The following COQ8A variants were observed in gnomAD, a reference collection of about 807,000 sequenced individuals.
The protein encoded by COQ8A is coenzyme Q8A.
In COQ8A, 51 loss-of-function variants were observed where a neutral mutation model predicts 65.0. The observed-to-expected ratio is 0.78, with a 90% CI of 0.63 to 0.99. The LOEUF is 0.99. Ranked by LOEUF, COQ8A falls within the 50% of genes least tolerant of loss-of-function variation. COQ8A has a pLI of 0.00. For synonymous variants in COQ8A, 371 were observed against 353.2 expected (o/e 1.05, Z -0.57); for missense variants, 940 against 875.0 (o/e 1.07, Z -0.94).
At chr1:226,978,025 C>G (rs1407601235) in intron 5 of COQ8A, among the ~76,000 whole-genome samples, 1 of 147,824 alleles carries the variant, frequency 6.8e-6, no homozygotes, top group South Asian at 2.2e-4. Context: ...CACCGAACAC[C>G]CACAGACCTT....
chr1:226,945,135 G>C (rs1312879842), intron 1 of COQ8A, among the ~76,000 whole-genome samples: 5 of 152,184 alleles, frequency 3.3e-5, no homozygotes, highest in Admixed American at 1.3e-4. Flanking sequence ...AGGGATGCAT[G>C]GCCCTTTCCT....
In COQ8A at chr1:226,985,259, C is replaced by G; in HGVS notation, c.1578C>G (p.Ile526Met). The change falls in exon 14 of 15, where the codon ATC (isoleucine) becomes ATG (methionine). Residue 526 changes from isoleucine (I) to methionine (M), a missense_variant. Physicochemically the swap from Ile to Met is conservative, Grantham distance 10 (BLOSUM62 1). Transcript: ENST00000366777. ...CCTCCTGTGCCTCTCCCCAGATCATCAGGGCTGCTGCCGACAGGGACAGGG... is the reference window on the plus strand; with the variant it reads ...CCTCCTGTGCCTCTCCCCAGATCATGAGGGCTGCTGCCGACAGGGACAGGG... ...RSFTDLYIQI[I>M]RAAADRDRET... 6.2e-7 allele frequency: 1 copy of G among 1,613,554 alleles called. No individual in the cohort carries two copies. The highest frequency in any genetic ancestry group is 1.7e-4 in the Middle Eastern group (1 of 6,054).
In COQ8A at chr1:226,985,326, G is replaced by A. The variant is rs119468009; in HGVS notation, c.1645G>A (p.Gly549Ser). Residue 549 changes from glycine to serine, a missense_variant, in exon 14 of 15, where the codon GGC becomes AGC. By Grantham distance (56) the Gly-to-Ser change is moderately conservative. Coordinates refer to ENST00000366777, the MANE Select transcript of COQ8A (RefSeq NM_020247.5). ...ATCCATAGAGATGAAGTTCCTCACC[G>A]GCTACGAGGTCAAGGTGAGCAGGGT... ...AKSIEMKFLT[G>S]YEVKVMEDAH... 134 of 1,613,532 alleles carry A rather than the reference G, an allele frequency of 8.3e-5. No homozygotes were observed. The highest frequency in any genetic ancestry group is 1.6e-4 in the Middle Eastern group (1 of 6,084).
intron 2 of COQ8A, among the ~76,000 whole-genome samples, chr1:226,963,810 G>C (rs1275329580): frequency 1.3e-5 from 2 of 152,262 alleles, no homozygotes; most frequent in Admixed American, 6.5e-5. Flanking sequence ...TCGCCATGTT[G>C]GCCAGGCTGG....
At chr1:226,953,983 A>C (rs1448708515) in intron 1 of COQ8A, among the ~76,000 whole-genome samples, 1 of 152,204 alleles carries the variant, frequency 6.6e-6, no homozygotes, top group East Asian at 1.9e-4. Context: ...AATTTCAAGG[A>C]CGTAAAGGAA....
chr1:226,983,248 C>A, intron 8 of COQ8A: 1 of 794,102 alleles, frequency 1.3e-6, no homozygotes, highest in Non-Finnish European at 1.9e-6. Context: ...CAGAGGGGCC[C>A]CCAGCAAGCT....
At chr1:226,980,145 G>A (rs1659600886) in intron 5 of COQ8A, among the ~76,000 whole-genome samples, 1 of 152,218 alleles carries the variant, frequency 6.6e-6, no homozygotes, top group South Asian at 2.1e-4. Flanking sequence ...GGCACCCTCT[G>A]GACTGGAGGA....
In COQ8A at chr1:226,946,484, T is replaced by A. The variant is rs1657053320; in HGVS notation, c.-10+6085T>A. Among the ~76,000 whole-genome samples the A allele has an allele frequency of 6.6e-6, 1 of 152,080 alleles. No homozygotes were observed. Among genetic ancestry groups the A allele is most frequent in the African/African-American group, 2.4e-5 (1 of 41,406 alleles). ...GTATCGCTGCAGAGGTGTCTGGGGCTCCACAGTGAAGGGCCTTGCTGGCCA... is the reference window on the plus strand; with the variant it reads ...GTATCGCTGCAGAGGTGTCTGGGGCACCACAGTGAAGGGCCTTGCTGGCCA... On this transcript the variant is annotated intron_variant, in intron 1 of 14. Coordinates refer to ENST00000366777, the MANE Select transcript of COQ8A (RefSeq NM_020247.5). This position sits in a 1 kb window ranked among gnomAD's most constrained non-coding sequence, Gnocchi z 5.3.
At chr1:226,976,240 G>A (rs1017308320) in intron 4 of COQ8A, among the ~76,000 whole-genome samples, 3 of 137,752 alleles carry the variant, frequency 2.2e-5, no homozygotes, top group African/African-American at 8.2e-5. Context: ...GTGGGACTGC[G>A]GGGCTGTGGG....
chr1:226,978,523 CTGAA>C (rs1659441773), intron 5 of COQ8A, among the ~76,000 whole-genome samples: 1 of 130,638 alleles, frequency 7.7e-6, no homozygotes. Flanking sequence ...CGAACACCCA[CTGAA>C]CACTGCACCT....
chr1:226,984,483 C>T, intron 11 of COQ8A, 65 bp from the exon 12 acceptor site: 3 of 1,448,792 alleles, frequency 2.1e-6, no homozygotes, highest in Non-Finnish European at 2.9e-6. Flanking sequence ...CTTCTCTGGC[C>T]CCAGTCTCCC....
intron 4 of COQ8A, 79 bp downstream of exon 4, chr1:226,965,816 C>A: frequency 1.3e-6 from 2 of 1,489,964 alleles, no homozygotes; most frequent in Admixed American, 1.7e-5. Flanking sequence ...GAGGTGGGGA[C>A]CCAGCAATAT....
chr1:226,980,612 C>T (rs1236369063), intron 5 of COQ8A, among the ~76,000 whole-genome samples: 1 of 152,188 alleles, frequency 6.6e-6, no homozygotes, highest in African/African-American at 2.4e-5. Flanking sequence ...GCCGAGGGAC[C>T]CTTCTGGGCC....
chr1:226,962,595 T>G (rs1338501734), intron 2 of COQ8A, among the ~76,000 whole-genome samples: 2 of 152,228 alleles, frequency 1.3e-5, no homozygotes, highest in Non-Finnish European at 2.9e-5. Flanking sequence ...ACGTCTGTTC[T>G]GTGGATGGCT....
In COQ8A at chr1:226,965,333, GGGGGCCTCAC is replaced by G. The variant is rs757691464; in HGVS notation, c.512_521del (p.Gly171GlufsTer35). 6 of 1,613,504 alleles carry G rather than the reference GGGGGCCTCAC, an allele frequency of 3.7e-6. No homozygotes were observed. The Admixed American group carries it at 5.0e-5, about 13-fold the overall frequency. On this transcript the variant is annotated frameshift_variant, in exon 3 of 15. Coordinates refer to ENST00000366777, the MANE Select transcript of COQ8A (RefSeq NM_020247.5). LOFTEE classifies it high-confidence loss of function. ...CTTCCACCAGGACCAATCCCCTGTT[GGGGGCCTCAC>G]AGCCGAGGACATTGAGAAGGCCCGG...
chr1:226,959,062 T>C lies in COQ8A; in HGVS notation c.-9-2315T>C, dbSNP rs554354199. ...TCTTGGTACACCCCTGGAAGGGATT[T>C]GCAGCGAAATTGTGGGATCGTTGAA... On this transcript the variant is annotated intron_variant, in intron 1 of 14. Transcript: ENST00000366777. 7.2e-5 allele frequency among the ~76,000 whole-genome samples: 11 copies of C among 152,310 alleles called. No individual in the cohort carries two copies. The East Asian group carries it at 2.1e-3, about 29-fold the overall frequency.
Position 226,983,845 on chromosome 1 carries a change from G to A in COQ8A, c.1247G>A (p.Arg416His), listed in dbSNP as rs767899984. 1.4e-5 allele frequency: 23 copies of A among 1,609,802 alleles called. No homozygotes were observed. The highest frequency in any genetic ancestry group is 8.3e-5 in the Admixed American group (5 of 59,928). The change falls in exon 10 of 15, where the codon CGC becomes CAC. Residue 416 changes from arginine to histidine, a missense_variant. Transcript: ENST00000366777. The part of the protein sequence containing the change: ...CDYQREAACA[R>H]KFRDLLKGHP... ...TACCAGCGAGAGGCCGCCTGTGCCC[G>A]CAAGTTCAGGTGTGGCCCCCGGCCG...
In COQ8A at chr1:226,983,279, CAG is replaced by C. The variant is rs1572080635; in HGVS notation, c.1080+246_1080+247del. The C allele has an allele frequency of 1.3e-5, 9 of 681,694 alleles. No homozygotes were observed. In the East Asian group the frequency reaches 1.6e-4, roughly 12 times the overall value. 42.2% of individuals were successfully genotyped at this position (681,694 alleles called of 1,614,324 possible). On this transcript the variant is annotated intron_variant, in intron 8 of 14. Transcript: ENST00000366777. ...AAGCTTGATTTGGGGTGGGCAAGGACAGGGGACAAGTGATTGCTTTTTGGGGC... is the reference window on the plus strand; with the variant it reads ...AAGCTTGATTTGGGGTGGGCAAGGACGGGACAAGTGATTGCTTTTTGGGGC...
chr1:226,976,187 ACTGCGGGGCTGTGGGACTGCGATG>A lies in COQ8A; in HGVS notation c.656-1261_656-1238del, dbSNP rs1558198724. On this transcript the variant is annotated intron_variant, in intron 4 of 14. Transcript: ENST00000366777. The stretch of plus-strand genomic sequence containing the variant: ...TGTTGCCTGGCTGCGGGGCTGCGGG[ACTGCGGGGCTGTGGGACTGCGATG>A]TTGCCTGGCTGCGGGGCTGTGGGAC... Among the ~76,000 whole-genome samples the A allele has an allele frequency of 2.9e-3, 35 of 11,892 alleles. 1 individual carries two copies. The highest frequency in any genetic ancestry group is 1.2e-3 in the Non-Finnish European group (5 of 4,284). 7.8% of individuals were successfully genotyped at this position (11,892 alleles called of 152,430 possible).
Sources: gnomAD v4.1 joint callset for allele counts (sites outside exome capture counted in the v4.1 genomes callset) on GRCh38, gnomAD v4.1.1 for gene constraint, Gnocchi (gnomAD v3.1) non-coding constraint, MANE v1.5 for transcripts, NCBI Gene and HGNC (gene_info 2026-07-23, HGNC 2026-07-21) for gene names.